Variants in MTF2 observed in about 807,000 individuals in gnomAD.
The protein encoded by MTF2 is metal response element binding transcription factor 2.
In MTF2, 11 loss-of-function variants were observed where a neutral mutation model predicts 79.5. The ratio of observed to expected loss-of-function variants is 0.14; its 90% CI spans 0.09 to 0.23. The LOEUF is 0.23. Ranked by LOEUF, MTF2 falls within the 10% of genes least tolerant of loss-of-function variation. MTF2 has a pLI of 1.00. For missense variants in MTF2, 486 were observed against 711.2 expected (o/e 0.68, Z 3.60); for synonymous variants, 208 against 232.8 (o/e 0.89, Z 0.97).
chr1:93,106,147 GAAAT>G (rs2101050297), intron 1 of MTF2, among the ~76,000 whole-genome samples: 1 of 152,214 alleles, frequency 6.6e-6, no homozygotes, highest in East Asian at 1.9e-4. Flanking sequence ...CAGCACACCA[GAAAT>G]ATTAGGAGAA....
rs191310373 is a variant in MTF2 at position 93,087,412 on chromosome 1, A to G, written c.5+7881A>G. On this transcript the variant is annotated intron_variant, in intron 1 of 14. Coordinates refer to ENST00000370298, the MANE Select transcript of MTF2 (RefSeq NM_007358.4). ...CACGGTAAAACCCCATCTCTACTAA[A>G]AATGCAAAAATTAGCCAGGCGTGGT... Among the ~76,000 whole-genome samples, 428 of 152,230 alleles carry G rather than the reference A, an allele frequency of 2.8e-3. 1 individual carries two copies. The highest frequency in any genetic ancestry group is 4.1e-3 in the Non-Finnish European group (279 of 68,012).
At chr1:93,098,042 C>G (rs1310848649) in intron 1 of MTF2, among the ~76,000 whole-genome samples, 1 of 152,116 alleles carries the variant, frequency 6.6e-6, no homozygotes, top group Non-Finnish European at 1.5e-5. Context: ...GACAAAGAGG[C>G]AATGTCTCTA....
Position 93,100,173 on chromosome 1 carries a change from T to C in MTF2, c.6-10057T>C, listed in dbSNP as rs576372460. Among the ~76,000 whole-genome samples, 13 of 152,290 alleles carry C rather than the reference T, an allele frequency of 8.5e-5. No individual in the cohort carries two copies. The East Asian group carries it at 2.5e-3, about 29-fold the overall frequency. On this transcript the variant is annotated intron_variant, in intron 1 of 14. Transcript: ENST00000370298. ...GTTGAAAGAGTTAAAAAAAACCCACTTGCCTCTGAGAGTAAGACTGGAATA... is the reference window on the plus strand; with the variant it reads ...GTTGAAAGAGTTAAAAAAAACCCACCTGCCTCTGAGAGTAAGACTGGAATA...
At chr1:93,084,981 A>G (rs547427604) in intron 1 of MTF2, among the ~76,000 whole-genome samples, 27 of 152,310 alleles carry the variant, frequency 1.8e-4, no homozygotes, top group Middle Eastern at 3.4e-3. Context: ...CATTTAATTT[A>G]AAGTTCTTAT....
At chr1:93,108,442 T>G (rs1236195246) in intron 1 of MTF2, among the ~76,000 whole-genome samples, 1 of 152,162 alleles carries the variant, frequency 6.6e-6, no homozygotes, top group African/African-American at 2.4e-5. Context: ...TTTTGCTGGA[T>G]ATAAGATTCT....
chr1:93,123,357 T>C (rs537812990), intron 9 of MTF2, among the ~76,000 whole-genome samples: 1 of 151,902 alleles, frequency 6.6e-6, no homozygotes, highest in African/African-American at 2.4e-5. Context: ...GGTCAAGTTA[T>C]CTTCCTGCCT....
chr1:93,115,326 GATT>G, intron 5 of MTF2, 141 bp from the exon 6 acceptor site: 1 of 723,140 alleles, frequency 1.4e-6, no homozygotes, highest in Non-Finnish European at 2.2e-6. Context: ...GAAAAATAGA[GATT>G]ATTATTAATC....
chr1:93,093,849 A>T (rs1655172337), intron 1 of MTF2, among the ~76,000 whole-genome samples: 1 of 152,186 alleles, frequency 6.6e-6, no homozygotes, highest in Admixed American at 6.5e-5. Context: ...CTGGGACTAC[A>T]GGAGTGTGCC....
intron 1 of MTF2, 55 bp downstream of exon 1, chr1:93,079,586 A>T: frequency 6.2e-7 from 1 of 1,605,520 alleles, no homozygotes. Flanking sequence ...GGGTTGGGGG[A>T]AGGAGGAAGA....
Position 93,136,806 on chromosome 1 carries a change from G to A in MTF2, c.1561G>A (p.Gly521Ser). The A allele has an allele frequency of 1.2e-6, 2 of 1,614,122 alleles. No homozygotes were observed. Among genetic ancestry groups the A allele is most frequent in the Non-Finnish European group, 1.7e-6 (2 of 1,180,014 alleles). The change falls in exon 15 of 15, where the codon GGC (glycine) becomes AGC (serine). Residue 521 changes from glycine (G) to serine (S), a missense_variant. Transcript: ENST00000370298. Reference protein sequence around the residue: ...QNSEIVKDDEGKEDYQFDELN... With the variant: ...QNSEIVKDDESKEDYQFDELN... ...CTCAGAAATTGTAAAAGATGATGAA[G>A]GCAAAGAAGATTATCAGTTTGATGA...
chr1:93,081,145 C>G (rs1326822839), intron 1 of MTF2: 1 of 152,190 alleles, frequency 6.6e-6, no homozygotes, highest in Non-Finnish European at 1.5e-5. Context: ...AATGCATACA[C>G]AGTTTTAGAA....
chr1:93,124,880 G>C (rs1434105307), intron 9 of MTF2, among the ~76,000 whole-genome samples: 1 of 151,902 alleles, frequency 6.6e-6, no homozygotes, highest in Admixed American at 6.6e-5. Context: ...ATGGTCAGAT[G>C]GAAGGTGTAG....
At chr1:93,104,403 G>A (rs998653503) in intron 1 of MTF2, among the ~76,000 whole-genome samples, 11 of 151,926 alleles carry the variant, frequency 7.2e-5, no homozygotes, top group African/African-American at 2.7e-4. Flanking sequence ...AATGTACCCC[G>A]GGCGCTGTGG....
intron 1 of MTF2, among the ~76,000 whole-genome samples, chr1:93,091,239 T>C (rs1411094968): frequency 6.6e-6 from 1 of 152,148 alleles, no homozygotes; most frequent in Non-Finnish European, 1.5e-5. Flanking sequence ...ATACTACTAC[T>C]TAGTTGTATT....
chr1:93,112,389 A>G (rs573449668), intron 3 of MTF2, among the ~76,000 whole-genome samples: 42 of 48,844 alleles, frequency 8.6e-4, no homozygotes, highest in Non-Finnish European at 3.9e-3. Flanking sequence ...AAAATTTTAC[A>G]TAAAGAAAAA....
chr1:93,125,488 T>G (rs1656658578), intron 9 of MTF2, among the ~76,000 whole-genome samples: 1 of 151,986 alleles, frequency 6.6e-6, no homozygotes, highest in Non-Finnish European at 1.5e-5. Flanking sequence ...AGGGAGACTC[T>G]TATGGAGGGC....
At chr1:93,121,487 T>G (rs1306362869) in intron 9 of MTF2, 7 of 983,834 alleles carry the variant, frequency 7.1e-6, no homozygotes, top group Non-Finnish European at 8.4e-6. Flanking sequence ...CACACTGATT[T>G]GAAGTTTAGG....
intron 3 of MTF2, among the ~76,000 whole-genome samples, chr1:93,114,009 T>TA (rs974172466): frequency 2.6e-5 from 4 of 152,020 alleles, no homozygotes; most frequent in African/African-American, 9.7e-5. Context: ...GTGTGATTTT[T>TA]TTTTTTTGAG....
chr1:93,079,561 T>A (rs1446616802), intron 1 of MTF2, 30 bp downstream of exon 1: 2 of 1,613,222 alleles, frequency 1.2e-6, no homozygotes, highest in Admixed American at 3.3e-5. Flanking sequence ...GAACCGACTC[T>A]TCCGGAGGAG....
Sources: gnomAD v4.1 joint callset for allele counts (sites outside exome capture counted in the v4.1 genomes callset) on GRCh38, gnomAD v4.1.1 for gene constraint, MANE v1.5 for transcripts, NCBI Gene and HGNC (gene_info 2026-07-23, HGNC 2026-07-21) for gene names.